Variants in RLF observed in about 807,000 individuals in gnomAD.
RLF encodes the protein zinc finger protein Rlf.
RLF carries 7 observed loss-of-function variants against 162.9 expected under a neutral mutation model. That is an observed-to-expected ratio of 0.04 (90% confidence interval 0.02 to 0.08). The LOEUF (loss-of-function observed/expected upper bound fraction) is 0.08. Ranked by LOEUF, RLF falls within the 10% of genes least tolerant of loss-of-function variation. The pLI is 1.00. For synonymous variants in RLF, 782 were observed against 791.5 expected (o/e 0.99, Z 0.20); for missense variants, 1,664 against 2,244.7 (o/e 0.74, Z 5.23).
In RLF at chr1:40,238,306, G is replaced by A; in HGVS notation, c.3604G>A (p.Ala1202Thr). The A allele has an allele frequency of 6.2e-7, 1 of 1,614,088 alleles. No homozygotes were observed. The highest frequency in any genetic ancestry group is 8.5e-7 in the Non-Finnish European group (1 of 1,179,974). The change falls in exon 8 of 8, where the codon GCA (alanine) becomes ACA (threonine). Residue 1202 changes from alanine to threonine, a missense_variant. Coordinates refer to ENST00000372771, the MANE Select transcript of RLF (RefSeq NM_012421.4). This position sits in a 1 kb window ranked among gnomAD's most constrained non-coding sequence, Gnocchi z 5.2. The part of the protein sequence containing the change: ...KNKHQIGSDR[A>T]THKLLDNEKC... Reference sequence around the variant, plus strand: ...TAAACATCAAATTGGCAGTGACAGAGCAACTCACAAACTATTAGATAATGA... The same window carrying A: ...TAAACATCAAATTGGCAGTGACAGAACAACTCACAAACTATTAGATAATGA...
chr1:40,166,058 A>G (rs941066229), intron 1 of RLF, among the ~76,000 whole-genome samples: 1 of 152,182 alleles, frequency 6.6e-6, no homozygotes, highest in Non-Finnish European at 1.5e-5. Context: ...TCTTTCTCCA[A>G]TGCATTCTAT....
Position 40,238,086 on chromosome 1 carries a change from C to T in RLF, c.3384C>T (p.Phe1128=), listed in dbSNP as rs1643242541. The T allele has an allele frequency of 6.2e-7, 1 of 1,613,928 alleles. No individual in the cohort carries two copies. The highest frequency in any genetic ancestry group is 8.5e-7 in the Non-Finnish European group (1 of 1,179,980). ...CACAGTTGGCGGCTAAGCCGTTTTT[C>T]TGTGAGCTTCAAGGATGCAAATATG... is the stretch of plus-strand genomic sequence containing the variant. ...YLAQLAAKPF[F]CELQGCKYEF... Residue 1128 remains phenylalanine, a synonymous_variant, in exon 8 of 8, where the codon TTC becomes TTT. Transcript: ENST00000372771. The surrounding 1 kb of genome is among the most constrained non-coding windows in gnomAD (Gnocchi z 5.2).
chr1:40,234,681 G>A (rs1283007970), intron 7 of RLF, among the ~76,000 whole-genome samples: 1 of 152,220 alleles, frequency 6.6e-6, no homozygotes, highest in African/African-American at 2.4e-5. Flanking sequence ...TTGTGAAGCT[G>A]GGGTTCAAAG....
At chr1:40,196,420 GTTTTT>G (rs966332922) in intron 4 of RLF, among the ~76,000 whole-genome samples, 1 of 151,776 alleles carries the variant, frequency 6.6e-6, no homozygotes, top group Non-Finnish European at 1.5e-5. Flanking sequence ...CATGAAAAAA[GTTTTT>G]TTTATTTTAT....
rs142224826 is a variant in RLF at position 40,184,693 on chromosome 1, C to T, written c.238-4362C>T. ...GAGCACCGAATAGTCAAATATGGTG[C>T]GTAAGTGAGCTAATTTTTTACTTAT... On this transcript the variant is annotated intron_variant, in intron 1 of 7. Coordinates refer to ENST00000372771, the MANE Select transcript of RLF (RefSeq NM_012421.4). Among the ~76,000 whole-genome samples, 8 of 152,188 alleles carry T rather than the reference C, an allele frequency of 5.3e-5. No homozygotes were observed. The East Asian group carries it at 1.3e-3, about 26-fold the overall frequency.
chr1:40,172,433 T>A (rs978254552), intron 1 of RLF, among the ~76,000 whole-genome samples: 5 of 152,234 alleles, frequency 3.3e-5, no homozygotes, highest in African/African-American at 9.6e-5. Flanking sequence ...TCCCATGAAC[T>A]TCCTTAAATA....
At chr1:40,222,792 C>A in intron 6 of RLF, 82 bp downstream of exon 6, 1 of 1,283,096 alleles carries the variant, frequency 7.8e-7, no homozygotes, top group Non-Finnish European at 1.1e-6. Context: ...TAATTTGTTT[C>A]TAATTTAAAA....
At chr1:40,188,585 AC>A (rs1172232092) in intron 1 of RLF, among the ~76,000 whole-genome samples, 1 of 151,602 alleles carries the variant, frequency 6.6e-6, no homozygotes, top group African/African-American at 2.4e-5. Context: ...GCATAAATTA[AC>A]CCTTGGAAGC....
chr1:40,212,603 T>C (rs907943977), intron 5 of RLF, among the ~76,000 whole-genome samples: 1 of 152,144 alleles, frequency 6.6e-6, no homozygotes, highest in Non-Finnish European at 1.5e-5. Context: ...GCTCAAGAAA[T>C]CTGTCAGCAG....
chr1:40,188,058 A>G (rs1642505689), intron 1 of RLF, among the ~76,000 whole-genome samples: 2 of 152,214 alleles, frequency 1.3e-5, no homozygotes, highest in Non-Finnish European at 2.9e-5. Context: ...AGAAGGCTGT[A>G]TCCTGCTTAT....
At chr1:40,204,744 T>G (rs549074776) in intron 5 of RLF, among the ~76,000 whole-genome samples, 1 of 152,172 alleles carries the variant, frequency 6.6e-6, no homozygotes, top group South Asian at 2.1e-4. Context: ...TTTAGCCCAT[T>G]CATTCTCCCA....
At chr1:40,229,713 A>G (rs1273544665) in intron 6 of RLF, among the ~76,000 whole-genome samples, 1 of 151,676 alleles carries the variant, frequency 6.6e-6, no homozygotes, top group Non-Finnish European at 1.5e-5. Context: ...TTGGCCTCCC[A>G]AAGTGCTGTG....
At chr1:40,230,126 AAAG>A (rs1283685925) in intron 6 of RLF, among the ~76,000 whole-genome samples, 6 of 151,910 alleles carry the variant, frequency 3.9e-5, no homozygotes, top group African/African-American at 1.2e-4. Flanking sequence ...AAAAAAAAAA[AAAG>A]AAGAAAAGAA....
rs1315568315 is a variant in RLF, at chr1:40,222,719, A to G, written c.947+9A>G. ...AGTGTATATTGTTCTTGGTAAGTAT[A>G]TTTAGTTTTACACTCTTTATTTGTT... On this transcript the variant is annotated intron_variant, in intron 6 of 7. Transcript: ENST00000372771. The G allele has an allele frequency of 6.2e-7, 1 of 1,610,794 alleles. No homozygotes were observed. The highest frequency in any genetic ancestry group is 8.5e-7 in the Non-Finnish European group (1 of 1,178,126).
In RLF at chr1:40,190,767, T is replaced by C; in HGVS notation, c.393-5T>C. On this transcript the variant is annotated splice_polypyrimidine_tract_variant and splice_region_variant and intron_variant, in intron 2 of 7. Transcript: ENST00000372771. ...CCTTTATATACTTACTCATTTTTAT[T>C]GTAGGAGTTGTTTCGAATTACTGCT... The C allele has an allele frequency of 6.3e-7, 1 of 1,593,966 alleles. No homozygotes were observed. The highest frequency in any genetic ancestry group is 8.6e-7 in the Non-Finnish European group (1 of 1,162,752).
chr1:40,215,425 A>G (rs1642913295), intron 5 of RLF, among the ~76,000 whole-genome samples: 2 of 152,150 alleles, frequency 1.3e-5, no homozygotes, highest in Admixed American at 1.3e-4. Flanking sequence ...ATTGAAATAC[A>G]TAAAGTATGT....
In RLF at chr1:40,239,438, C is replaced by T. The variant is rs995479442; in HGVS notation, c.4736C>T (p.Ala1579Val). ...AAACGCACTCATCAGATGAGTAGTG[C>T]CTATTTAGAGCAACAGATGGAGAAT... ...HYKRTHQMSS[A>V]YLEQQMENLV... The change falls in exon 8 of 8, where the codon GCC becomes GTC. Residue 1579 changes from alanine to valine, a missense_variant. Coordinates refer to ENST00000372771, the MANE Select transcript of RLF (RefSeq NM_012421.4). The T allele has an allele frequency of 1.9e-6, 3 of 1,613,780 alleles. No individual in the cohort carries two copies.
chr1:40,199,486 T>G (rs1157074207), intron 4 of RLF, among the ~76,000 whole-genome samples: 1 of 152,198 alleles, frequency 6.6e-6, no homozygotes, highest in East Asian at 1.9e-4. Context: ...AACTTGAGTC[T>G]CAGAGAGGTC....
intron 5 of RLF, among the ~76,000 whole-genome samples, chr1:40,213,920 G>A (rs1477559976): frequency 6.6e-6 from 1 of 152,204 alleles, no homozygotes. Flanking sequence ...TATGCTGCCT[G>A]TACCCACCTT....
Sources: gnomAD v4.1 joint callset for allele counts (sites outside exome capture counted in the v4.1 genomes callset) on GRCh38, gnomAD v4.1.1 for gene constraint, Gnocchi (gnomAD v3.1) non-coding constraint, MANE v1.5 for transcripts, NCBI Gene and HGNC (gene_info 2026-07-23, HGNC 2026-07-21) for gene names.